The following CEACAM7 variants were observed in gnomAD, a reference collection of about 807,000 sequenced individuals.
CEACAM7 encodes CEA cell adhesion molecule 7, also known as cell adhesion molecule CEACAM7.
A neutral mutation model predicts 25.7 loss-of-function variants in CEACAM7; 24 were observed. That is an observed-to-expected ratio of 0.93 (90% CI 0.68 to 1.31). The LOEUF is 1.31. Among genes scored for constraint, CEACAM7 ranks in the 40% most tolerant of loss-of-function variants. CEACAM7 has a pLI of 0.00. For synonymous variants in CEACAM7, 144 were observed against 129.4 expected (o/e 1.11, Z -0.77); for missense variants, 324 against 330.1 (o/e 0.98, Z 0.14).
intron 1 of CEACAM7, among the ~76,000 whole-genome samples, chr19:41,687,511 T>C (rs2072241251): frequency 6.6e-6 from 1 of 152,192 alleles, no homozygotes; most frequent in Non-Finnish European, 1.5e-5. Context: ...CCTGACACCT[T>C]CTCTAGAAGC....
intron 2 of CEACAM7, among the ~76,000 whole-genome samples, chr19:41,686,392 C>T (rs964442130): frequency 1.3e-5 from 2 of 152,290 alleles, no homozygotes; most frequent in African/African-American, 4.8e-5. Flanking sequence ...CAAATCCTTG[C>T]TCTCAGTCAG....
intron 4 of CEACAM7, among the ~76,000 whole-genome samples, chr19:41,675,681 G>C (rs1331952103): frequency 3.3e-5 from 5 of 152,170 alleles, no homozygotes; most frequent in Admixed American, 6.6e-5. Context: ...CAAAACAACT[G>C]TCTGTGAATG....
intron 4 of CEACAM7, 72 bp downstream of exon 4, chr19:41,677,304 T>C: frequency 1.3e-6 from 1 of 783,844 alleles, no homozygotes. Flanking sequence ...GGTGAAGAAG[T>C]CCTTTCCCTC....
chr19:41,683,850 T>C lies in CEACAM7; in HGVS notation c.641A>G (p.Tyr214Cys), dbSNP rs782807535. 1.5e-5 allele frequency: 25 copies of C among 1,614,080 alleles called. No individual in the cohort carries two copies. In the East Asian group the frequency reaches 2.5e-4, roughly 16 times the overall value. ...CACTGGGTTCTGTATTTCACATTCATAGGGTCCTATGTCATTCTTTGTGGC... is the reference window on the plus strand; with the variant it reads ...CACTGGGTTCTGTATTTCACATTCACAGGGTCCTATGTCATTCTTTGTGGC... ...LSATKNDIGP[Y>C]ECEIQNPVGA... The change falls in exon 3 of 5, where the codon TAT becomes TGT. Residue 214 changes from tyrosine to cysteine, a missense_variant. Coordinates refer to ENST00000401731, the MANE Select transcript of CEACAM7 (RefSeq NM_001291485.2).
In CEACAM7 at chr19:41,687,033, T is replaced by G; in HGVS notation, c.253A>C (p.Asn85His). ...ANYRIIGYVK[N>H]ISQENAPGPA... Reference sequence around the variant, plus strand: ...CCTGGGGCATTTTCTTGACTTATATTTTTTACATATCCTATAATTCGATAG... The same window carrying G: ...CCTGGGGCATTTTCTTGACTTATATGTTTTACATATCCTATAATTCGATAG... Residue 85 changes from asparagine to histidine, a missense_variant, in exon 2 of 5, where the codon AAT (asparagine) becomes CAT (histidine). Transcript: ENST00000401731. The G allele has an allele frequency of 6.2e-7, 1 of 1,614,076 alleles. No individual in the cohort carries two copies. Among genetic ancestry groups the G allele is most frequent in the Non-Finnish European group, 8.5e-7 (1 of 1,179,966 alleles).
chr19:41,687,593 T>C (rs1435199802), intron 1 of CEACAM7, among the ~76,000 whole-genome samples: 2 of 151,802 alleles, frequency 1.3e-5, no homozygotes, highest in Non-Finnish European at 2.9e-5. Flanking sequence ...TGGCTTCACA[T>C]TCTAGATCTC....
intron 3 of CEACAM7, among the ~76,000 whole-genome samples, chr19:41,679,801 C>CTCTCTTTTT (rs35780292): frequency 8.9e-6 from 1 of 111,926 alleles, no homozygotes; most frequent in African/African-American, 3.6e-5. Context: ...CTCTCTCTCT[C>CTCTCTTTTT]TTTTTTTTTT....
At chr19:41,684,208 G>T (rs1568688626) in intron 2 of CEACAM7, 145 bp from the exon 3 acceptor site, 9 of 809,342 alleles carry the variant, frequency 1.1e-5, no homozygotes, top group Non-Finnish European at 1.8e-5. Flanking sequence ...TCACAAGACA[G>T]ATGCACAATG....
chr19:41,677,072 G>A (rs1225512153), intron 4 of CEACAM7, among the ~76,000 whole-genome samples: 1 of 152,186 alleles, frequency 6.6e-6, no homozygotes, highest in Non-Finnish European at 1.5e-5. Context: ...AGGTTTATGG[G>A]AATGGAGAGA....
intron 3 of CEACAM7, among the ~76,000 whole-genome samples, chr19:41,678,749 A>G (rs2072142366): frequency 6.6e-6 from 1 of 152,216 alleles, no homozygotes; most frequent in East Asian, 1.9e-4. Flanking sequence ...AACATTTATG[A>G]AACAGTTCCT....
At chr19:41,676,454 G>A (rs782080986) in intron 4 of CEACAM7, among the ~76,000 whole-genome samples, 14 of 152,142 alleles carry the variant, frequency 9.2e-5, no homozygotes, top group Non-Finnish European at 1.8e-4. Context: ...TTGAACTCTT[G>A]GGCTCAGAGG....
Position 41,674,590 on chromosome 19 carries a change from C to T in CEACAM7, c.*186G>A, listed in dbSNP as rs2072095548. On this transcript the variant is annotated 3_prime_UTR_variant, in exon 5 of 5. Transcript: ENST00000401731. ...GAACATTTTGGTTAGCTCTGAGTGG[C>T]CCACATCTCAGGCATGAGGGTTTTT... is the stretch of plus-strand genomic sequence containing the variant. 2 of 317,210 alleles carry T rather than the reference C, an allele frequency of 6.3e-6. No individual in the cohort carries two copies. Among genetic ancestry groups the T allele is most frequent in the Admixed American group, 3.8e-5 (1 of 26,442 alleles). The allele number at this position is 317,210 out of a possible 1,614,324, so 19.6% of individuals were successfully genotyped here. A position where few individuals can be genotyped will look rare whatever the true frequency, so the allele number is the denominator to read the frequency against.
intron 2 of CEACAM7, among the ~76,000 whole-genome samples, chr19:41,686,545 G>A (rs1343103950): frequency 6.6e-6 from 1 of 152,148 alleles, no homozygotes; most frequent in Non-Finnish European, 1.5e-5. Flanking sequence ...CTCAGGCCAG[G>A]CTCTGACCCA....
rs920156382 is a variant in CEACAM7 at position 41,674,426 on chromosome 19, G to C, written c.*350C>G. On this transcript the variant is annotated 3_prime_UTR_variant, in exon 5 of 5. Transcript: ENST00000401731. ...TTATCTTACCAAATTAAAGAGGCAG[G>C]CATGAGCAGGGAAAAATGGAGTGGG... The C allele has an allele frequency of 3.2e-5, 5 of 155,564 alleles. No homozygotes were observed. The highest frequency in any genetic ancestry group is 1.2e-4 in the African/African-American group (5 of 41,484). The allele number at this position is 155,564 out of a possible 1,614,324, so 9.6% of individuals were successfully genotyped here.
At chr19:41,674,931 G>T (rs1180636618) in intron 4 of CEACAM7, among the ~76,000 whole-genome samples, 192 bp from the exon 5 acceptor site, 1 of 152,104 alleles carries the variant, frequency 6.6e-6, no homozygotes, top group African/African-American at 2.4e-5. Context: ...CTTTATATAA[G>T]AAGTATAGCA....
intron 3 of CEACAM7, among the ~76,000 whole-genome samples, chr19:41,680,905 A>G (rs2072168180): frequency 6.6e-6 from 1 of 152,196 alleles, no homozygotes; most frequent in South Asian, 2.1e-4. Flanking sequence ...GCAACAAAAA[A>G]AAAACAGACA....
chr19:41,685,583 C>T lies in CEACAM7; in HGVS notation c.427+1276G>A, dbSNP rs187046456. Among the ~76,000 whole-genome samples the T allele has an allele frequency of 3.6e-4, 55 of 152,234 alleles. No homozygotes were observed. The East Asian group carries it at 4.6e-3, about 13-fold the overall frequency. ...CCTCCTTCATGAGAGAACTACTGAGCGAGTGTGTTTCTCACTTTGGGCCCT... is the reference window on the plus strand; with the variant it reads ...CCTCCTTCATGAGAGAACTACTGAGTGAGTGTGTTTCTCACTTTGGGCCCT... On this transcript the variant is annotated intron_variant, in intron 2 of 4. Transcript: ENST00000401731.
chr19:41,675,253 C>G (rs1600425690), intron 4 of CEACAM7, among the ~76,000 whole-genome samples: 1 of 152,096 alleles, frequency 6.6e-6, no homozygotes, highest in Admixed American at 6.5e-5. Flanking sequence ...TGAATAGTTG[C>G]CTGATTCTGG....
In CEACAM7 at chr19:41,687,181, C is replaced by A. The variant is rs782324684; in HGVS notation, c.105G>T (p.Gln35His). 1 of 1,612,346 alleles carries A rather than the reference C, an allele frequency of 6.2e-7. No individual in the cohort carries two copies. The highest frequency in any genetic ancestry group is 1.1e-5 in the South Asian group (1 of 90,912). The change falls in exon 2 of 5, where the codon CAG (glutamine) becomes CAT (histidine). Residue 35 changes from glutamine (Q) to histidine (H), a missense_variant. Transcript: ENST00000401731. ...TGAACGGCACGACATCAATATTGGT[C>A]TGGGCACTGTTTGGCAGGTTCCAGA... ...LTFWNLPNSA[Q>H]TNIDVVPFNV...
Sources: allele counts gnomAD v4.1 joint callset (sites outside exome capture counted in the v4.1 genomes callset), GRCh38; gene constraint gnomAD v4.1.1; transcripts MANE v1.5; gene names NCBI Gene and HGNC (gene_info 2026-07-23, HGNC 2026-07-21).